The following CBR4 variants were observed in gnomAD, a reference collection of about 807,000 sequenced individuals.
CBR4 encodes the protein carbonyl reductase 4.
In CBR4, 22 loss-of-function variants were observed where a neutral mutation model predicts 21.0. That is an observed-to-expected ratio of 1.05 (90% CI 0.75 to 1.50). CBR4 has a LOEUF of 1.50. Among genes scored for constraint, CBR4 ranks in the 40% most tolerant of loss-of-function variants. The probability of loss-of-function intolerance (pLI) is 0.00; values close to 1 mark genes in which losing one functional copy is unlikely to be tolerated. For synonymous variants in CBR4, 100 were observed against 104.4 expected (o/e 0.96, Z 0.26); for missense variants, 302 against 286.3 (o/e 1.05, Z -0.40).
chr4:168,994,128 C>A (rs1044138032), intron 4 of CBR4, among the ~76,000 whole-genome samples: 1 of 152,186 alleles, frequency 6.6e-6, no homozygotes, highest in Non-Finnish European at 1.5e-5. Context: ...TATTTACTGA[C>A]AGCAAGCCAG....
At chr4:168,959,915 T>G (rs1289381050) in intron 2 of CBR4, among the ~76,000 whole-genome samples, 2 of 151,522 alleles carry the variant, frequency 1.3e-5, no homozygotes, top group Non-Finnish European at 1.5e-5. Context: ...ATTTGAATAG[T>G]ACTGAATTTA....
At chr4:168,932,568 C>G (rs1763000676) in intron 2 of CBR4, among the ~76,000 whole-genome samples, 1 of 152,134 alleles carries the variant, frequency 6.6e-6, no homozygotes, top group Non-Finnish European at 1.5e-5. Flanking sequence ...ACATCTAGCT[C>G]TAAGAAGCTT....
intron 2 of CBR4, among the ~76,000 whole-genome samples, chr4:168,934,760 A>G (rs1207017018): frequency 6.6e-6 from 1 of 151,966 alleles, no homozygotes; most frequent in African/African-American, 2.4e-5. Flanking sequence ...AAAAAGAAAG[A>G]AAAAAAACTG....
chr4:169,000,770 TA>T (rs1730363155), intron 4 of CBR4, among the ~76,000 whole-genome samples: 1 of 152,208 alleles, frequency 6.6e-6, no homozygotes, highest in Admixed American at 6.5e-5. Flanking sequence ...AGTGATCATA[TA>T]TTTTTGAGTT....
chr4:168,948,823 A>T lies in CBR4; in HGVS notation n.169+53248T>A, dbSNP rs1010701468. Among the ~76,000 whole-genome samples, 9 of 152,128 alleles carry T rather than the reference A, an allele frequency of 5.9e-5. No homozygotes were observed. In the South Asian group the frequency reaches 6.2e-4, roughly 11 times the overall value. Reference sequence around the variant, plus strand: ...CGATACCTCCAGATTTGTTCTTTTCATTTAGCCTTGCTTTGGCTATGTGGG... The same window carrying T: ...CGATACCTCCAGATTTGTTCTTTTCTTTTAGCCTTGCTTTGGCTATGTGGG... On this transcript the variant is annotated intron_variant and non_coding_transcript_variant, in intron 2 of 3. Transcript: ENST00000509108.
chr4:168,969,121 C>T (rs956768798), intron 2 of CBR4, among the ~76,000 whole-genome samples: 12 of 152,168 alleles, frequency 7.9e-5, no homozygotes, highest in Non-Finnish European at 1.8e-4. Context: ...TCCCAAGAAT[C>T]TTTGAAACAC....
intron 2 of CBR4, chr4:168,915,795 C>A: frequency 1.1e-6 from 1 of 896,454 alleles, no homozygotes; most frequent in Non-Finnish European, 1.8e-6. Context: ...ATAAGGAAAT[C>A]ATATTATTAC....
chr4:168,966,531 A>G (rs1764039477), intron 2 of CBR4, among the ~76,000 whole-genome samples: 1 of 147,182 alleles, frequency 6.8e-6, no homozygotes, highest in Admixed American at 6.8e-5. Flanking sequence ...CGTCTCAAAG[A>G]AAAAAAAAAA....
chr4:168,998,546 T>C lies in CBR4; in HGVS notation c.535+3525A>G, dbSNP rs113159199. On this transcript the variant is annotated intron_variant, in intron 4 of 4. Transcript: ENST00000306193. ...ATTGGAAAGAAATAGGGAATGAATGTTAATGGGTTTAGGATTTCTTTAAGG... is the reference window on the plus strand; with the variant it reads ...ATTGGAAAGAAATAGGGAATGAATGCTAATGGGTTTAGGATTTCTTTAAGG... Among the ~76,000 whole-genome samples, 146 of 152,288 alleles carry C rather than the reference T, an allele frequency of 9.6e-4. 1 individual carries two copies. Among genetic ancestry groups the C allele is most frequent in the African/African-American group, 3.4e-3 (141 of 41,582 alleles).
At chr4:168,930,410 C>T (rs144854466) in intron 2 of CBR4, among the ~76,000 whole-genome samples, 33 of 152,198 alleles carry the variant, frequency 2.2e-4, no homozygotes, top group African/African-American at 7.0e-4. Flanking sequence ...CTAATTAATT[C>T]ATACAATGAA....
chr4:168,984,268 C>A (rs1764622111), downstream of CBR4, among the ~76,000 whole-genome samples: 1 of 151,962 alleles, frequency 6.6e-6, no homozygotes, highest in Non-Finnish European at 1.5e-5. Context: ...AAATAATATC[C>A]AAGCTGAAAG....
chr4:168,980,012 C>T (rs924510508), intron 2 of CBR4, among the ~76,000 whole-genome samples: 1 of 152,134 alleles, frequency 6.6e-6, no homozygotes, highest in Non-Finnish European at 1.5e-5. Flanking sequence ...AGCTTGGGCC[C>T]ACAACACACT....
At chr4:168,915,932 G>A in intron 2 of CBR4, 1 of 1,613,488 alleles carries the variant, frequency 6.2e-7, no homozygotes, top group East Asian at 2.2e-5. Context: ...AGACGAAAAT[G>A]AACCAATTCA....
chr4:168,968,150 AT>A (rs1387425206), intron 2 of CBR4, among the ~76,000 whole-genome samples: 1 of 152,228 alleles, frequency 6.6e-6, no homozygotes. Context: ...GTAATCGTGA[AT>A]TTAGCATAAA....
At chr4:168,984,332 C>T (rs1267051412), downstream of CBR4, among the ~76,000 whole-genome samples, 1 of 151,792 alleles carries the variant, frequency 6.6e-6, no homozygotes, top group African/African-American at 2.4e-5. Context: ...AAATACTTAG[C>T]AATACAGCTA....
intron 2 of CBR4, among the ~76,000 whole-genome samples, chr4:168,899,814 G>C (rs191274184): frequency 3.3e-5 from 5 of 152,146 alleles, no homozygotes; most frequent in African/African-American, 1.2e-4. Context: ...CTACTTGGGA[G>C]GCTGAGGCAG....
At chr4:168,984,127 T>C (rs113112818), downstream of CBR4, among the ~76,000 whole-genome samples, 146 of 152,236 alleles carry the variant, frequency 9.6e-4, 1 homozygote, top group African/African-American at 3.4e-3. Context: ...GATCTCTCTT[T>C]ACAGATGATG....
At chr4:168,992,265 A>C (rs1764960760) in intron 4 of CBR4, among the ~76,000 whole-genome samples, 1 of 152,226 alleles carries the variant, frequency 6.6e-6, no homozygotes, top group African/African-American at 2.4e-5. Flanking sequence ...GCAGGTATTA[A>C]AAATAATGCT....
At chr4:168,899,250 T>C (rs530756500) in intron 2 of CBR4, among the ~76,000 whole-genome samples, 2 of 152,316 alleles carry the variant, frequency 1.3e-5, no homozygotes, top group East Asian at 3.9e-4. Context: ...TAGGATGACC[T>C]GGATGGGAGC....
Sources: allele counts gnomAD v4.1 joint callset (sites outside exome capture counted in the v4.1 genomes callset), GRCh38; gene constraint gnomAD v4.1.1; transcripts MANE v1.5; gene names NCBI Gene and HGNC (gene_info 2026-07-23, HGNC 2026-07-21).